Variants in ADAMTS17 observed in about 807,000 individuals in gnomAD.
The protein encoded by ADAMTS17 is A disintegrin and metalloproteinase with thrombospondin motifs 17.
In ADAMTS17, 113 loss-of-function variants were observed where a neutral mutation model predicts 141.5. The observed-to-expected ratio is 0.80, with a 90% CI of 0.69 to 0.93. The LOEUF (loss-of-function observed/expected upper bound fraction) is 0.93, where lower values mean the gene tolerates loss of function less well. ADAMTS17 is among the 40% of genes least tolerant of loss of function. ADAMTS17 has a pLI of 0.00. For synonymous variants in ADAMTS17, 768 were observed against 630.6 expected (o/e 1.22, Z -3.27); for missense variants, 1,659 against 1,517.9 (o/e 1.09, Z -1.54).
chr15:100,051,575 C>A lies in ADAMTS17; in HGVS notation c.2452G>T (p.Gly818Ter). Residue 818 changes from glycine (G) to a stop codon, truncating the protein, a stop_gained, in exon 17 of 22, where the codon GGA becomes TGA. Coordinates refer to ENST00000268070, the MANE Select transcript of ADAMTS17 (RefSeq NM_139057.4). LOFTEE classifies it high-confidence loss of function. ...GWEGCSVQCG[G>*]GERRTIVSCT... ...GTCATGGACCACGGCCACTCACCTC[C>A]GCCGCACTGCACACTGCACCCTTCC... The A allele has an allele frequency of 6.2e-7, 1 of 1,613,418 alleles. No individual in the cohort carries two copies. Among genetic ancestry groups the A allele is most frequent in the Non-Finnish European group, 8.5e-7 (1 of 1,179,898 alleles).
Position 100,096,480 on chromosome 15 carries a change from A to G in ADAMTS17, c.2017-4T>C, listed in dbSNP as rs1187306221. The G allele has an allele frequency of 6.2e-7, 1 of 1,614,088 alleles. No homozygotes were observed. The highest frequency in any genetic ancestry group is 2.2e-5 in the East Asian group (1 of 44,870). On this transcript the variant is annotated splice_region_variant and splice_polypyrimidine_tract_variant and intron_variant, in intron 14 of 21. Coordinates refer to ENST00000268070, the MANE Select transcript of ADAMTS17 (RefSeq NM_139057.4). ...TGATGCCGTCACAGCCGATTTTCTA[A>G]AGAACCAGAGGGCCTCATTATTCTG...
At chr15:100,334,282 G>A (rs372128153) in intron 2 of ADAMTS17, among the ~76,000 whole-genome samples, 6 of 152,194 alleles carry the variant, frequency 3.9e-5, no homozygotes, top group East Asian at 1.9e-4. Flanking sequence ...AACAGAGAAC[G>A]TCTGTCCTGT....
chr15:100,249,121 T>G (rs1198845468), intron 7 of ADAMTS17, among the ~76,000 whole-genome samples: 2 of 152,126 alleles, frequency 1.3e-5, no homozygotes, highest in African/African-American at 4.8e-5. Flanking sequence ...TTTGAAAGCA[T>G]GCCCATTCAT....
chr15:100,286,726 A>G (rs950585183), intron 3 of ADAMTS17, among the ~76,000 whole-genome samples: 1 of 152,192 alleles, frequency 6.6e-6, no homozygotes, highest in Non-Finnish European at 1.5e-5. Flanking sequence ...AAAATACAGT[A>G]TAAACACACT....
intron 10 of ADAMTS17, among the ~76,000 whole-genome samples, chr15:100,145,068 AT>A (rs1025757626): frequency 1.1e-4 from 16 of 152,304 alleles, no homozygotes; most frequent in African/African-American, 3.6e-4. Context: ...ATATTTCATC[AT>A]TTTTTGTCTC....
intron 18 of ADAMTS17, among the ~76,000 whole-genome samples, chr15:100,031,251 G>A (rs776668702): frequency 7.9e-5 from 12 of 152,156 alleles, no homozygotes; most frequent in Middle Eastern, 3.2e-3. Context: ...GCTAGCTACC[G>A]AACCTAACAA....
intron 20 of ADAMTS17, 71 bp from the exon 21 acceptor site, chr15:99,976,293 G>A (rs2060327324): frequency 6.6e-7 from 1 of 1,518,740 alleles, no homozygotes; most frequent in South Asian, 1.2e-5. Flanking sequence ...CTCACAATGT[G>A]GCACTGCGGA....
chr15:100,181,656 C>A (rs552730471), intron 8 of ADAMTS17, among the ~76,000 whole-genome samples: 1 of 152,304 alleles, frequency 6.6e-6, no homozygotes, highest in African/African-American at 2.4e-5. Context: ...CTGGCTGGTG[C>A]CCTATCTTCC....
At chr15:100,198,270 C>T (rs11247167) in intron 8 of ADAMTS17, among the ~76,000 whole-genome samples, 102,991 of 152,000 alleles carry the variant, frequency 0.68, 36,921 homozygotes, top group South Asian at 0.82. Flanking sequence ...AGAATATAAA[C>T]TCATTAAAAG....
In ADAMTS17 at chr15:100,102,360, CCAACCGAAGGGGATCTACATT is replaced by C. The variant is rs1479826332; in HGVS notation, c.2017-5905_2017-5885del. Reference sequence around the variant, plus strand: ...ACCGAAGGGGATCTACATTTGAGGGCCAACCGAAGGGGATCTACATTTGAGGGCCGACCGAAGGGGATCTAC... The same window carrying C: ...ACCGAAGGGGATCTACATTTGAGGGCTGAGGGCCGACCGAAGGGGATCTAC... On this transcript the variant is annotated intron_variant, in intron 14 of 21. Transcript: ENST00000268070. Among the ~76,000 whole-genome samples the C allele has an allele frequency of 7.0e-5, 9 of 128,812 alleles. No homozygotes were observed. The East Asian group carries it at 1.7e-3, about 25-fold the overall frequency. 84.5% of individuals were successfully genotyped at this position (128,812 alleles called of 152,430 possible).
At chr15:100,063,948 T>A (rs892057137) in intron 15 of ADAMTS17, among the ~76,000 whole-genome samples, 1 of 152,118 alleles carries the variant, frequency 6.6e-6, no homozygotes, top group Non-Finnish European at 1.5e-5. Context: ...AGAGCAGGAT[T>A]TGCACGTGTT....
intron 3 of ADAMTS17, 42 bp from the exon 4 acceptor site, chr15:100,281,443 G>A (rs2044280071): frequency 6.3e-6 from 10 of 1,586,604 alleles, no homozygotes; most frequent in African/African-American, 2.7e-5. Flanking sequence ...TTGGCTTACT[G>A]ACTTCCAAAA....
At chr15:100,149,604 G>A (rs747490798) in intron 10 of ADAMTS17, among the ~76,000 whole-genome samples, 1 of 151,986 alleles carries the variant, frequency 6.6e-6, no homozygotes, top group Non-Finnish European at 1.5e-5. Flanking sequence ...CACCACTCTG[G>A]CTTATACCCT....
Position 99,993,149 on chromosome 15 carries a change from T to C in ADAMTS17, c.2848A>G (p.Asn950Asp). Reference sequence around the variant, plus strand: ...GATGCGTCGCATTTCCCTTGTGAGTTGGTGCACGCCACGGTCCGTTTCCAC... The same window carrying C: ...GATGCGTCGCATTTCCCTTGTGAGTCGGTGCACGCCACGGTCCGTTTCCAC... The part of the protein sequence containing the change: ...GVWKRTVACT[N>D]SQGKCDASTR... The change falls in exon 20 of 22, where the codon AAC becomes GAC. Residue 950 changes from asparagine to aspartate, a missense_variant. By Grantham distance (23) the Asn-to-Asp change is conservative. Transcript: ENST00000268070. This position sits in a 1 kb window ranked among gnomAD's most constrained non-coding sequence, Gnocchi z 4.3. 1 of 1,614,158 alleles carries C rather than the reference T, an allele frequency of 6.2e-7. No homozygotes were observed. The highest frequency in any genetic ancestry group is 1.7e-5 in the Admixed American group (1 of 60,024).
At chr15:100,217,995 C>T (rs2141763380) in intron 7 of ADAMTS17, among the ~76,000 whole-genome samples, 1 of 152,326 alleles carries the variant, frequency 6.6e-6, no homozygotes, top group Non-Finnish European at 1.5e-5. Flanking sequence ...ATCCTCCCAC[C>T]TCAGCCTCCC....
chr15:100,062,615 G>T (rs941767450), intron 15 of ADAMTS17, among the ~76,000 whole-genome samples: 6 of 152,218 alleles, frequency 3.9e-5, no homozygotes, highest in African/African-American at 1.4e-4. Flanking sequence ...TGTAGACAAA[G>T]ATGTCATTTT....
intron 15 of ADAMTS17, among the ~76,000 whole-genome samples, chr15:100,081,098 C>T (rs1236478240): frequency 1.3e-5 from 2 of 152,138 alleles, no homozygotes; most frequent in Non-Finnish European, 2.9e-5. Flanking sequence ...AAGGCAGATC[C>T]ACCCTTAATC....
intron 3 of ADAMTS17, among the ~76,000 whole-genome samples, chr15:100,309,621 G>C (rs1196414187): frequency 6.6e-6 from 1 of 152,218 alleles, no homozygotes; most frequent in East Asian, 1.9e-4. Flanking sequence ...CAGGCATGTG[G>C]ACAACGTACA....
intron 13 of ADAMTS17, among the ~76,000 whole-genome samples, chr15:100,113,200 A>G (rs1414742385): frequency 6.6e-6 from 1 of 152,178 alleles, no homozygotes; most frequent in African/African-American, 2.4e-5. Context: ...GGAACTCGGT[A>G]CTGAAATTCA....
Sources: allele counts gnomAD v4.1 joint callset (sites outside exome capture counted in the v4.1 genomes callset), GRCh38; gene constraint gnomAD v4.1.1; non-coding constraint Gnocchi (gnomAD v3.1); transcripts MANE v1.5; gene names NCBI Gene and HGNC (gene_info 2026-07-23, HGNC 2026-07-21).